Variants in SLC26A9 observed in about 807,000 individuals in gnomAD.
The protein encoded by SLC26A9 is anion transporter/exchanger protein 9.
SLC26A9 carries 46 observed loss-of-function variants against 87.1 expected under a neutral mutation model. The observed-to-expected ratio is 0.53, with a 90% CI of 0.42 to 0.67. SLC26A9 has a LOEUF of 0.67. Ranked by LOEUF, SLC26A9 falls within the 30% of genes least tolerant of loss-of-function variation. The probability of loss-of-function intolerance (pLI) is 0.00; values close to 1 mark genes in which losing one functional copy is unlikely to be tolerated. For missense variants in SLC26A9, 927 were observed against 1,018.3 expected (o/e 0.91, Z 1.22); for synonymous variants, 437 against 409.1 (o/e 1.07, Z -0.82).
intron 17 of SLC26A9, among the ~76,000 whole-genome samples, chr1:205,920,995 C>A (rs551861769): frequency 1.3e-5 from 2 of 152,334 alleles, no homozygotes; most frequent in South Asian, 4.1e-4. Flanking sequence ...TGAAGGCAGT[C>A]CGAACACTCT....
At chr1:205,922,193 G>A (rs1168460100) in intron 16 of SLC26A9, among the ~76,000 whole-genome samples, 1 of 152,200 alleles carries the variant, frequency 6.6e-6, no homozygotes, top group Admixed American at 6.5e-5. Context: ...CTGGAGTGCA[G>A]TGGCACTATC....
chr1:205,933,114 G>A (rs41305064), intron 2 of SLC26A9, 30 bp from the exon 3 acceptor site: 78,718 of 1,613,754 alleles, frequency 0.049, 2,548 homozygotes, highest in African/African-American at 0.15. Context: ...ATTTCCAGTC[G>A]GCTCTGCATG....
At position 205,935,858 on chromosome 1, in the gene SLC26A9, G is replaced by T. The variant is rs1659489534; in HGVS notation, c.-18-20C>A. 2 of 1,603,386 alleles carry T rather than the reference G, an allele frequency of 1.2e-6. No homozygotes were observed. The highest frequency in any genetic ancestry group is 1.7e-5 in the Admixed American group (1 of 59,478). On this transcript the variant is annotated intron_variant, in intron 1 of 20. Coordinates refer to ENST00000367135, the MANE Select transcript of SLC26A9 (RefSeq NM_052934.4). ...TACAAGCTTTGGGAGAAGCAGAGGAGGGGAGGGTGAGGGAACATCCCTCCC... is the reference window on the plus strand; with the variant it reads ...TACAAGCTTTGGGAGAAGCAGAGGATGGGAGGGTGAGGGAACATCCCTCCC...
intron 20 of SLC26A9, among the ~76,000 whole-genome samples, chr1:205,916,716 G>A (rs565292435): frequency 6.6e-6 from 1 of 152,340 alleles, no homozygotes; most frequent in African/African-American, 2.4e-5. Flanking sequence ...TCACGTGGGT[G>A]ATGTGTTGGA....
intron 2 of SLC26A9, among the ~76,000 whole-genome samples, chr1:205,934,636 T>G (rs749535815): frequency 7.2e-5 from 11 of 152,246 alleles, no homozygotes; most frequent in Non-Finnish European, 5.9e-5. Context: ...TGTTCAAGGC[T>G]CTCATGCCAG....
chr1:205,936,383 G>T (rs1454977559), intron 1 of SLC26A9, among the ~76,000 whole-genome samples: 3 of 152,192 alleles, frequency 2.0e-5, no homozygotes, highest in Non-Finnish European at 4.4e-5. Context: ...TCACCAACAG[G>T]TTTCCCAGGG....
At chr1:205,926,708 G>T (rs1659085416) in intron 11 of SLC26A9, 78 bp from the exon 12 acceptor site, 2 of 1,168,082 alleles carry the variant, frequency 1.7e-6, no homozygotes, top group Non-Finnish European at 2.6e-6. Context: ...CGACCCCAAG[G>T]CCTGGCAGGA....
chr1:205,923,508 A>G (rs759057075), intron 14 of SLC26A9, 36 bp downstream of exon 14: 16 of 1,613,914 alleles, frequency 9.9e-6, no homozygotes, highest in South Asian at 3.3e-5. Flanking sequence ...GGTGGTGCAG[A>G]GCAAAAGAAG....
rs964165675 is a variant in SLC26A9 at position 205,933,053 on chromosome 1, A to AC, written c.156dup (p.Phe53ValfsTer16). ...CAGGAGAGCACAGGCAGCAGCCCAA[A>AC]CACCACAGCTTTGATCTTGGCTGAG... On this transcript the variant is annotated frameshift_variant, in exon 3 of 21. Transcript: ENST00000367135. LOFTEE classifies it high-confidence loss of function. 6.2e-6 allele frequency: 10 copies of AC among 1,614,068 alleles called. No individual in the cohort carries two copies. Among genetic ancestry groups the AC allele is most frequent in the Non-Finnish European group, 3.4e-6 (4 of 1,180,040 alleles).
intron 20 of SLC26A9, among the ~76,000 whole-genome samples, chr1:205,916,308 G>C (rs1658589812): frequency 6.6e-6 from 1 of 152,122 alleles, no homozygotes; most frequent in Non-Finnish European, 1.5e-5. Flanking sequence ...TGTTGGCCAG[G>C]CTGGTCTCAA....
intron 18 of SLC26A9, among the ~76,000 whole-genome samples, chr1:205,919,335 A>C (rs1211827579): frequency 6.6e-6 from 1 of 152,102 alleles, no homozygotes; most frequent in African/African-American, 2.4e-5. Flanking sequence ...AGACCTTTCC[A>C]GCAACTTCCA....
In SLC26A9 at chr1:205,915,166, G is replaced by C. The variant is rs1325544609; in HGVS notation, c.*191C>G. The C allele has an allele frequency of 6.2e-7, 1 of 1,612,482 alleles. No individual in the cohort carries two copies. Among genetic ancestry groups the C allele is most frequent in the Non-Finnish European group, 8.5e-7 (1 of 1,178,970 alleles). ...ACTCCTGTAAGGGTAGCACCCCCCT[G>C]CTGCTGAGAGGCTCTCTCTGGAGAT... On this transcript the variant is annotated 3_prime_UTR_variant, in exon 21 of 21. Transcript: ENST00000367135.
chr1:205,926,018 G>A (rs1659050802), intron 12 of SLC26A9, among the ~76,000 whole-genome samples: 1 of 152,192 alleles, frequency 6.6e-6, no homozygotes, highest in African/African-American at 2.4e-5. Flanking sequence ...ATGACTGCAT[G>A]AGTCTCACCC....
In SLC26A9 at chr1:205,927,573, A is replaced by G; in HGVS notation, c.1134T>C (p.Phe378=). 1.2e-6 allele frequency: 2 copies of G among 1,614,152 alleles called. No individual in the cohort carries two copies. The highest frequency in any genetic ancestry group is 1.7e-6 in the Non-Finnish European group (2 of 1,180,002). ...TGACATGAATTTTAAAGAAGGAGCC[A>G]AAGAAGTTGCTGCAGCCGAGAGCGA... ...EMIALGCSNF[F]GSFFKIHVIC... The change falls in exon 10 of 21, where the codon TTT becomes TTC. Residue 378 remains phenylalanine, a synonymous_variant. Transcript: ENST00000367135.
intron 2 of SLC26A9, among the ~76,000 whole-genome samples, chr1:205,934,081 CT>C (rs1659415808): frequency 6.6e-6 from 1 of 152,224 alleles, no homozygotes; most frequent in South Asian, 2.1e-4. Context: ...AATTCCTGCT[CT>C]TTGCTCTTGC....
At chr1:205,940,918 C>A (rs185737121) in intron 1 of SLC26A9, among the ~76,000 whole-genome samples, 5 of 152,210 alleles carry the variant, frequency 3.3e-5, no homozygotes, top group Admixed American at 1.3e-4. Context: ...CCTAGCCAGC[C>A]GGTTGCTGTG....
chr1:205,917,747 G>A (rs1299993895), intron 19 of SLC26A9, among the ~76,000 whole-genome samples: 1 of 152,104 alleles, frequency 6.6e-6, no homozygotes, highest in Non-Finnish European at 1.5e-5. Context: ...GAAAAGGTGT[G>A]TGTTTATGTG....
At chr1:205,941,170 T>G (rs1659728244) in intron 1 of SLC26A9, among the ~76,000 whole-genome samples, 1 of 152,078 alleles carries the variant, frequency 6.6e-6, no homozygotes, top group African/African-American at 2.4e-5. Context: ...TGTTTTGTTT[T>G]TTTGTTTTTG....
rs200525548 is a variant in SLC26A9 at position 205,930,048 on chromosome 1, C to A, written c.561G>T (p.Leu187=). 4.0e-4 allele frequency: 647 copies of A among 1,601,282 alleles called. No individual in the cohort carries two copies. Among genetic ancestry groups the A allele is most frequent in the Non-Finnish European group, 5.3e-4 (624 of 1,169,666 alleles). Residue 187 remains leucine, a synonymous_variant, in exon 6 of 21, where the codon CTG becomes CTT. Coordinates refer to ENST00000367135, the MANE Select transcript of SLC26A9 (RefSeq NM_052934.4). Reference sequence around the variant, plus strand: ...CCACAAAGCCAAACTGCATGAAGCCCAGACCCATCTGAGAGGAGGAAAAGG... The same window carrying A: ...CCACAAAGCCAAACTGCATGAAGCCAAGACCCATCTGAGAGGAGGAAAAGG... The part of the protein sequence containing the change: ...ACLTAIIQMG[L]GFMQFGFVAI...
Sources: gnomAD v4.1 joint callset for allele counts (sites outside exome capture counted in the v4.1 genomes callset) on GRCh38, gnomAD v4.1.1 for gene constraint, MANE v1.5 for transcripts, NCBI Gene and HGNC (gene_info 2026-07-23, HGNC 2026-07-21) for gene names.